The following SULT1B1 variants were observed in gnomAD, a reference collection of about 807,000 sequenced individuals.
The protein encoded by SULT1B1 is sulfotransferase family 1B member 1.
In SULT1B1, 28 loss-of-function variants were observed where a neutral mutation model predicts 34.6. The observed-to-expected ratio is 0.81, with a 90% CI of 0.60 to 1.11. The LOEUF is 1.11. SULT1B1 is among the 50% of genes least tolerant of loss of function. The pLI, the probability that SULT1B1 is intolerant of heterozygous loss-of-function variation, is 0.00. For missense variants in SULT1B1, 374 were observed against 352.2 expected (o/e 1.06, Z -0.50); for synonymous variants, 147 against 110.2 (o/e 1.33, Z -2.09).
At chr4:69,759,871 T>C (rs1482514940) in intron 1 of SULT1B1, among the ~76,000 whole-genome samples, 3 of 152,216 alleles carry the variant, frequency 2.0e-5, no homozygotes, top group African/African-American at 7.2e-5. Context: ...AAATTGACTT[T>C]AAGGAATATT....
chr4:69,748,200 T>C (rs1718830357), intron 4 of SULT1B1, among the ~76,000 whole-genome samples: 1 of 151,964 alleles, frequency 6.6e-6, no homozygotes, highest in African/African-American at 2.4e-5. Context: ...ATATATGTAA[T>C]GCAAACATTA....
chr4:69,721,805 T>C lies in SULT1B1; in HGVS notation c.*5283A>G, dbSNP rs1448277640. 1 of 152,114 alleles carries C rather than the reference T, an allele frequency of 6.6e-6. No homozygotes were observed. Among genetic ancestry groups the C allele is most frequent in the Non-Finnish European group, 1.5e-5 (1 of 68,000 alleles). The allele number at this position is 152,114 out of a possible 1,614,324, so 9.4% of individuals were successfully genotyped here. ...TAGCCCTTTAGTTTATTAAGGAAAA[T>C]TTCCATGGATGAGGAAATAATCATA... On this transcript the variant is annotated 3_prime_UTR_variant, in exon 8 of 8. Transcript: ENST00000310613.
chr4:69,735,428 T>C (rs1374464855), intron 4 of SULT1B1, among the ~76,000 whole-genome samples: 1 of 152,224 alleles, frequency 6.6e-6, no homozygotes, highest in East Asian at 1.9e-4. Context: ...CCCGGGTCTC[T>C]GTAGGTGAGC....
chr4:69,757,658 T>C (rs1377885903), intron 1 of SULT1B1, among the ~76,000 whole-genome samples: 1 of 152,204 alleles, frequency 6.6e-6, no homozygotes, highest in East Asian at 1.9e-4. Context: ...GTAAGATGTG[T>C]ATTACGTAAC....
At chr4:69,759,624 T>C (rs977008626) in intron 1 of SULT1B1, among the ~76,000 whole-genome samples, 5 of 152,170 alleles carry the variant, frequency 3.3e-5, no homozygotes, top group Admixed American at 3.3e-4. Flanking sequence ...CTGAATTATA[T>C]GGGGAGAAGA....
At chr4:69,755,344 T>C (rs956346046) in intron 1 of SULT1B1, 83 bp from the exon 2 acceptor site, 7 of 1,136,628 alleles carry the variant, frequency 6.2e-6, no homozygotes, top group Admixed American at 2.4e-5. Flanking sequence ...CAAAGTAAAA[T>C]TGGCCTTTAA....
intron 5 of SULT1B1, 37 bp from the exon 6 acceptor site, chr4:69,733,544 A>C (rs1055213606): frequency 2.8e-6 from 4 of 1,410,092 alleles, no homozygotes; most frequent in Non-Finnish European, 3.9e-6. Context: ...ATAAACATTC[A>C]TCAAATTAAA....
rs1461163843 is a variant in SULT1B1 at position 69,724,586 on chromosome 4, A to G, written c.*2502T>C. ...CAAGTCAATCCTAAGCCAAAAGAGC[A>G]AAGCTGGAAGCATCATACTACCTGA... On this transcript the variant is annotated 3_prime_UTR_variant, in exon 8 of 8. Coordinates refer to ENST00000310613, the MANE Select transcript of SULT1B1 (RefSeq NM_014465.4). 1 of 152,272 alleles carries G rather than the reference A, an allele frequency of 6.6e-6. No individual in the cohort carries two copies. The highest frequency in any genetic ancestry group is 2.4e-5 in the African/African-American group (1 of 41,456). The allele number at this position is 152,272 out of a possible 1,614,324, so 9.4% of individuals were successfully genotyped here.
At chr4:69,751,616 T>A (rs905539860) in intron 3 of SULT1B1, among the ~76,000 whole-genome samples, 9 of 152,038 alleles carry the variant, frequency 5.9e-5, no homozygotes, top group Non-Finnish European at 1.3e-4. Context: ...CACGCCCGGC[T>A]AATTTTTTGT....
At chr4:69,746,587 T>C (rs572987913) in intron 4 of SULT1B1, among the ~76,000 whole-genome samples, 11 of 152,346 alleles carry the variant, frequency 7.2e-5, no homozygotes, top group African/African-American at 1.9e-4. Context: ...GTCTATGTTT[T>C]CTTTCTGCTC....
intron 4 of SULT1B1, among the ~76,000 whole-genome samples, chr4:69,742,718 A>C (rs1017621870): frequency 5.3e-5 from 8 of 152,196 alleles, no homozygotes; most frequent in African/African-American, 1.4e-4. Context: ...TGCAGGCTGC[A>C]CTTGGCTCAT....
chr4:69,759,863 A>G (rs1409052441), intron 1 of SULT1B1, among the ~76,000 whole-genome samples: 1 of 152,226 alleles, frequency 6.6e-6, no homozygotes, highest in African/African-American at 2.4e-5. Context: ...AATGTCTAAA[A>G]TTGACTTTAA....
chr4:69,735,821 C>A (rs1444719287), intron 4 of SULT1B1, among the ~76,000 whole-genome samples: 1 of 152,154 alleles, frequency 6.6e-6, no homozygotes, highest in Non-Finnish European at 1.5e-5. Flanking sequence ...AATCATCCCC[C>A]ACACCTCAAA....
At chr4:69,744,827 T>C (rs528511720) in intron 4 of SULT1B1, among the ~76,000 whole-genome samples, 1 of 152,356 alleles carries the variant, frequency 6.6e-6, no homozygotes, top group African/African-American at 2.4e-5. Flanking sequence ...AGGTTGTTAA[T>C]GTGAGACCTT....
At chr4:69,744,806 G>C (rs1392729314) in intron 4 of SULT1B1, among the ~76,000 whole-genome samples, 1 of 152,020 alleles carries the variant, frequency 6.6e-6, no homozygotes, top group Admixed American at 6.5e-5. Context: ...GGTTCCTTGA[G>C]GTGCAATGTT....
intron 4 of SULT1B1, among the ~76,000 whole-genome samples, chr4:69,735,952 G>A (rs951269176): frequency 8.5e-5 from 13 of 152,282 alleles, no homozygotes; most frequent in African/African-American, 2.9e-4. Context: ...CACTGAAGAT[G>A]ATAGGAAAGA....
chr4:69,753,221 CT>C (rs1399378761), intron 3 of SULT1B1, among the ~76,000 whole-genome samples: 1 of 152,130 alleles, frequency 6.6e-6, no homozygotes, highest in East Asian at 1.9e-4. Flanking sequence ...AGTACTTTTC[CT>C]TGCAAGCGAA....
rs149366273 is a variant in SULT1B1, at chr4:69,746,854, T to C, written c.375+2867A>G. ...TTTCTTTAATCTTTAAAATTCCTTT[T>C]CTTTGGATGGTGCTTTTTGCTTTTA... is the stretch of plus-strand genomic sequence containing the variant. On this transcript the variant is annotated intron_variant, in intron 4 of 7. Transcript: ENST00000310613. Among the ~76,000 whole-genome samples, 76 of 152,340 alleles carry C rather than the reference T, an allele frequency of 5.0e-4. No individual in the cohort carries two copies. The East Asian group carries it at 0.013, about 25-fold the overall frequency.
rs1717705166 is a variant in SULT1B1 at position 69,723,114 on chromosome 4, T to C, written c.*3974A>G. Reference sequence around the variant, plus strand: ...TTTTCGAAAAGATCAACAAAATTGATAGACCACCAGCAAGACTAATAAAGA... The same window carrying C: ...TTTTCGAAAAGATCAACAAAATTGACAGACCACCAGCAAGACTAATAAAGA... On this transcript the variant is annotated 3_prime_UTR_variant, in exon 8 of 8. Transcript: ENST00000310613. 1.3e-5 allele frequency: 2 copies of C among 151,838 alleles called. No homozygotes were observed. Among genetic ancestry groups the C allele is most frequent in the Admixed American group, 6.6e-5 (1 of 15,222 alleles). The allele number at this position is 151,838 out of a possible 1,614,324, so 9.4% of individuals were successfully genotyped here.
Sources: gnomAD v4.1 joint callset for allele counts (sites outside exome capture counted in the v4.1 genomes callset) on GRCh38, gnomAD v4.1.1 for gene constraint, MANE v1.5 for transcripts, NCBI Gene and HGNC (gene_info 2026-07-23, HGNC 2026-07-21) for gene names.